UNC5D: variants seen among roughly 807,000 people sequenced by gnomAD.
UNC5D encodes the protein netrin receptor UNC5D.
A neutral mutation model predicts 105.4 loss-of-function variants in UNC5D; 39 were observed. The observed-to-expected ratio is 0.37, with a 90% CI of 0.29 to 0.48. UNC5D has a LOEUF of 0.48. Ranked by LOEUF, UNC5D falls within the 20% of genes least tolerant of loss-of-function variation. UNC5D has a pLI of 0.98. For missense variants in UNC5D, 991 were observed against 1,202.4 expected (o/e 0.82, Z 2.60); for synonymous variants, 452 against 450.4 (o/e 1.00, Z -0.04).
At chr8:35,513,917 C>T (rs1035761809) in intron 1 of UNC5D, among the ~76,000 whole-genome samples, 1 of 152,190 alleles carries the variant, frequency 6.6e-6, no homozygotes, top group Non-Finnish European at 1.5e-5. Flanking sequence ...ATTTGTTTAA[C>T]ATTTTTAAGC....
chr8:35,724,067 A>G, intron 9 of UNC5D: 13 of 1,300,274 alleles, frequency 1.0e-5, no homozygotes, highest in Non-Finnish European at 1.3e-5. Context: ...ACCCTAGTAC[A>G]GGATGCCAGC....
intron 4 of UNC5D, among the ~76,000 whole-genome samples, chr8:35,661,724 C>A (rs1824116536): frequency 6.6e-6 from 1 of 152,208 alleles, no homozygotes. Flanking sequence ...ATCTAGTTAT[C>A]TTTCCTGTCT....
At chr8:35,435,383 C>A (rs1806939591) in intron 1 of UNC5D, among the ~76,000 whole-genome samples, 1 of 152,066 alleles carries the variant, frequency 6.6e-6, no homozygotes, top group Non-Finnish European at 1.5e-5. Context: ...TTCTTCAATG[C>A]ATTTCTGGAG....
Position 35,338,471 on chromosome 8 carries a change from A to G in UNC5D, c.103+102584A>G, listed in dbSNP as rs369787985. ...CCATAATGCTTGATTCATTTGATTC[A>G]CTGAGATAGATTTGAGAACCAGCTC... is the stretch of plus-strand genomic sequence containing the variant. On this transcript the variant is annotated intron_variant, in intron 1 of 16. Transcript: ENST00000404895. Among the ~76,000 whole-genome samples, 35 of 152,044 alleles carry G rather than the reference A, an allele frequency of 2.3e-4. 1 individual carries two copies. The highest frequency in any genetic ancestry group is 8.4e-4 in the African/African-American group (35 of 41,454).
At chr8:35,680,280 G>A (rs1042047992) in intron 4 of UNC5D, among the ~76,000 whole-genome samples, 9 of 152,206 alleles carry the variant, frequency 5.9e-5, no homozygotes, top group African/African-American at 2.2e-4. Flanking sequence ...AACTCCATGT[G>A]TGTTTCAGAG....
At chr8:35,628,494 TG>T (rs1199594438) in intron 4 of UNC5D, among the ~76,000 whole-genome samples, 1 of 152,210 alleles carries the variant, frequency 6.6e-6, no homozygotes, top group Non-Finnish European at 1.5e-5. Context: ...CTTTTAAAGA[TG>T]TTCATGTACA....
intron 1 of UNC5D, among the ~76,000 whole-genome samples, chr8:35,503,016 A>C (rs1280333094): frequency 6.6e-6 from 1 of 152,196 alleles, no homozygotes; most frequent in Admixed American, 6.5e-5. Flanking sequence ...ATTTGTTAAA[A>C]ATACAAAATC....
At chr8:35,586,597 A>G (rs753629619) in intron 3 of UNC5D, among the ~76,000 whole-genome samples, 16 of 152,176 alleles carry the variant, frequency 1.1e-4, no homozygotes, top group Non-Finnish European at 7.3e-5. Context: ...TGGGTAAGTT[A>G]CAATTTTCTT....
chr8:35,572,140 TAGGC>T (rs1269510538), intron 3 of UNC5D, among the ~76,000 whole-genome samples: 10 of 151,144 alleles, frequency 6.6e-5, no homozygotes, highest in Non-Finnish European at 7.4e-5. Context: ...TTACAGAAAT[TAGGC>T]AGGCACAGTG....
chr8:35,413,285 G>GT (rs1257922711), intron 1 of UNC5D, among the ~76,000 whole-genome samples: 3 of 16,002 alleles, frequency 1.9e-4, no homozygotes, highest in Non-Finnish European at 5.4e-4. Context: ...GTGTGTGTGT[G>GT]TGTGTGTTGT....
intron 1 of UNC5D, among the ~76,000 whole-genome samples, chr8:35,239,149 A>G (rs1802648184): frequency 6.6e-6 from 1 of 152,126 alleles, no homozygotes; most frequent in Admixed American, 6.5e-5. Flanking sequence ...CTAGCCCTAT[A>G]ATGATAGCAC....
intron 1 of UNC5D, among the ~76,000 whole-genome samples, chr8:35,268,340 A>C (rs1240865601): frequency 6.6e-6 from 1 of 152,136 alleles, no homozygotes; most frequent in Non-Finnish European, 1.5e-5. Flanking sequence ...ATTACTTAAT[A>C]AGTGCACCCA....
chr8:35,785,148 G>A (rs1475581288), intron 16 of UNC5D, among the ~76,000 whole-genome samples: 1 of 151,956 alleles, frequency 6.6e-6, no homozygotes, highest in Non-Finnish European at 1.5e-5. Context: ...AATGTTCCCT[G>A]AATGGTGTGT....
At chr8:35,778,978 C>T (rs1802381723) in intron 16 of UNC5D, among the ~76,000 whole-genome samples, 1 of 152,206 alleles carries the variant, frequency 6.6e-6, no homozygotes, top group Non-Finnish European at 1.5e-5. Flanking sequence ...TGCCGCTTGC[C>T]TGGCATATGG....
intron 4 of UNC5D, among the ~76,000 whole-genome samples, chr8:35,603,093 G>A (rs1261449588): frequency 6.6e-6 from 1 of 151,942 alleles, no homozygotes; most frequent in African/African-American, 2.4e-5. Context: ...GTTAGCTTTT[G>A]AATGTGTTTG....
chr8:35,637,771 T>C (rs1822473953), intron 4 of UNC5D, among the ~76,000 whole-genome samples: 1 of 152,214 alleles, frequency 6.6e-6, no homozygotes, highest in African/African-American at 2.4e-5. Context: ...GGGTGCTCCA[T>C]TTCCAAAGAG....
At chr8:35,308,252 A>G (rs1411888641) in intron 1 of UNC5D, among the ~76,000 whole-genome samples, 1 of 151,902 alleles carries the variant, frequency 6.6e-6, no homozygotes, top group Admixed American at 6.6e-5. Context: ...GCAAGTAATT[A>G]ACAAGGCCTT....
intron 1 of UNC5D, among the ~76,000 whole-genome samples, chr8:35,432,218 T>G (rs1806693314): frequency 6.6e-6 from 1 of 152,160 alleles, no homozygotes; most frequent in South Asian, 2.1e-4. Flanking sequence ...ATCAAACAAC[T>G]TTAGCTGGGG....
chr8:35,677,891 TG>T (rs34090600), intron 4 of UNC5D, among the ~76,000 whole-genome samples: 1 of 45,800 alleles, frequency 2.2e-5, no homozygotes, highest in Non-Finnish European at 8.0e-5. Context: ...TGTGAGTGTC[TG>T]TGTGTGTGTG....
Sources: allele counts gnomAD v4.1 joint callset (sites outside exome capture counted in the v4.1 genomes callset), GRCh38; gene constraint gnomAD v4.1.1; transcripts MANE v1.5; gene names NCBI Gene and HGNC (gene_info 2026-07-23, HGNC 2026-07-21).